CSMD3: variants seen among roughly 807,000 people sequenced by gnomAD.
CSMD3 encodes CUB and Sushi multiple domains 3.
CSMD3 carries 177 observed loss-of-function variants against 435.2 expected under a neutral mutation model. That is an observed-to-expected ratio of 0.41 (90% CI 0.36 to 0.46). CSMD3 has a LOEUF of 0.46. Ranked by LOEUF, CSMD3 falls within the 20% of genes least tolerant of loss-of-function variation. The probability of loss-of-function intolerance (pLI) is 0.34; values close to 1 mark genes in which losing one functional copy is unlikely to be tolerated. For missense variants in CSMD3, 4,265 were observed against 4,504.6 expected (o/e 0.95, Z 1.52); for synonymous variants, 1,656 against 1,520.5 (o/e 1.09, Z -2.07).
chr8:112,329,920 A>C (rs1823873764), intron 45 of CSMD3, among the ~76,000 whole-genome samples: 1 of 152,088 alleles, frequency 6.6e-6, no homozygotes, highest in South Asian at 2.1e-4. Context: ...ACACACATAT[A>C]CACACAAACA....
intron 7 of CSMD3, among the ~76,000 whole-genome samples, chr8:112,973,418 G>T (rs1247180862): frequency 6.6e-6 from 1 of 151,730 alleles, no homozygotes; most frequent in Non-Finnish European, 1.5e-5. Flanking sequence ...AATCTATCTT[G>T]TACCACTAGA....
intron 4 of CSMD3, among the ~76,000 whole-genome samples, chr8:113,132,435 A>G (rs1184145090): frequency 6.6e-6 from 1 of 152,046 alleles, no homozygotes; most frequent in Admixed American, 6.6e-5. Context: ...TGCTGTTGTC[A>G]TAATAAGTGA....
At chr8:112,918,094 C>A (rs186903021) in intron 10 of CSMD3, among the ~76,000 whole-genome samples, 89 of 151,870 alleles carry the variant, frequency 5.9e-4, no homozygotes, top group East Asian at 2.3e-3. Flanking sequence ...TTTGTGTTTA[C>A]GCCTTATAAA....
intron 50 of CSMD3, among the ~76,000 whole-genome samples, chr8:112,308,436 G>C (rs1193131522): frequency 6.6e-6 from 1 of 151,936 alleles, no homozygotes; most frequent in Non-Finnish European, 1.5e-5. Context: ...AAGAGACAAC[G>C]TACCAGAATA....
intron 62 of CSMD3, among the ~76,000 whole-genome samples, 158 bp downstream of exon 62, chr8:112,255,096 C>T (rs1422169478): frequency 6.6e-6 from 1 of 152,010 alleles, no homozygotes; most frequent in Non-Finnish European, 1.5e-5. Flanking sequence ...GTTGTATTTT[C>T]TACCAATATT....
In CSMD3 at chr8:112,391,131, T is replaced by A. The variant is rs578151788; in HGVS notation, c.5810-343A>T. On this transcript the variant is annotated intron_variant, in intron 35 of 70. Coordinates refer to ENST00000297405, the MANE Select transcript of CSMD3 (RefSeq NM_198123.2). ...TTAGATAAAAATTGTCTCGAATTTTTAAAAAATTATTTGGTACTTTCTCCT... is the reference window on the plus strand; with the variant it reads ...TTAGATAAAAATTGTCTCGAATTTTAAAAAAATTATTTGGTACTTTCTCCT... 1.7e-3 allele frequency among the ~76,000 whole-genome samples: 256 copies of A among 152,314 alleles called. 1 individual carries two copies. Among genetic ancestry groups the A allele is most frequent in the African/African-American group, 5.8e-3 (240 of 41,574 alleles).
chr8:113,229,713 G>A (rs1371399775), intron 3 of CSMD3, among the ~76,000 whole-genome samples: 1 of 151,526 alleles, frequency 6.6e-6, no homozygotes, highest in African/African-American at 2.4e-5. Context: ...TGAAGGCTTT[G>A]TAAACTTGAA....
chr8:112,255,181 A>G, intron 62 of CSMD3, 73 bp downstream of exon 62: 5 of 1,285,810 alleles, frequency 3.9e-6, no homozygotes, highest in Non-Finnish European at 5.6e-6. Context: ...GTTATAGGAT[A>G]AAGAAAACCA....
chr8:112,656,020 A>G, intron 18 of CSMD3, 134 bp downstream of exon 18: 1 of 610,974 alleles, frequency 1.6e-6, no homozygotes, highest in South Asian at 2.1e-5. Flanking sequence ...CTTATAAAGC[A>G]TTAACATTCT....
chr8:112,841,239 A>C (rs1285349118), intron 11 of CSMD3, among the ~76,000 whole-genome samples: 2 of 151,606 alleles, frequency 1.3e-5, no homozygotes, highest in African/African-American at 4.8e-5. Context: ...TTAGTTCTAC[A>C]GTCTCCATGT....
intron 24 of CSMD3, among the ~76,000 whole-genome samples, chr8:112,568,332 C>T (rs984116800): frequency 6.6e-6 from 1 of 152,030 alleles, no homozygotes; most frequent in African/African-American, 2.4e-5. Context: ...GTGGCTCACA[C>T]CTGTAATCCC....
At chr8:112,446,689 C>T (rs1205137350) in intron 32 of CSMD3, among the ~76,000 whole-genome samples, 1 of 152,124 alleles carries the variant, frequency 6.6e-6, no homozygotes, top group Non-Finnish European at 1.5e-5. Context: ...GTTCATATAG[C>T]ACAAGTTTAT....
chr8:113,028,241 C>A (rs1479313063), intron 5 of CSMD3, among the ~76,000 whole-genome samples: 2 of 145,664 alleles, frequency 1.4e-5, no homozygotes, highest in Non-Finnish European at 3.1e-5. Context: ...TTGGGTGTCA[C>A]AAACTGTGCC....
intron 1 of CSMD3, among the ~76,000 whole-genome samples, chr8:113,403,911 T>A (rs1433895329): frequency 6.6e-6 from 1 of 151,438 alleles, no homozygotes; most frequent in East Asian, 1.9e-4. Context: ...GTCACTCAAA[T>A]GTAAAGTTTT....
At chr8:112,352,579 A>G in intron 38 of CSMD3, 45 bp from the exon 39 acceptor site, 1 of 1,528,562 alleles carries the variant, frequency 6.5e-7, no homozygotes, top group East Asian at 2.3e-5. Context: ...TTCAAGTGAT[A>G]AATGCTTAAG....
intron 21 of CSMD3, among the ~76,000 whole-genome samples, chr8:112,637,262 A>T (rs1376935978): frequency 6.6e-6 from 1 of 151,770 alleles, no homozygotes; most frequent in Non-Finnish European, 1.5e-5. Flanking sequence ...ATAATAAATT[A>T]AAAAATAGCT....
chr8:112,742,131 T>A (rs1338691020), intron 13 of CSMD3, among the ~76,000 whole-genome samples: 1 of 146,168 alleles, frequency 6.8e-6, no homozygotes, highest in Non-Finnish European at 1.5e-5. Context: ...TCCGCACTCA[T>A]CTCTCACAAC....
At chr8:112,510,246 T>C (rs1476854543) in intron 28 of CSMD3, among the ~76,000 whole-genome samples, 1 of 152,212 alleles carries the variant, frequency 6.6e-6, no homozygotes, top group Non-Finnish European at 1.5e-5. Context: ...CATCTAATCG[T>C]ACTATGTATA....
At position 113,269,473 on chromosome 8, in the gene CSMD3, T is replaced by C. The variant is rs532565819; in HGVS notation, c.514+9119A>G. ...GGAAAAAACGACATTACAGTTCATA[T>C]GGAACCAAAAAAGAGCCCTCATCAC... is the stretch of plus-strand genomic sequence containing the variant. On this transcript the variant is annotated intron_variant, in intron 3 of 70. Coordinates refer to ENST00000297405, the MANE Select transcript of CSMD3 (RefSeq NM_198123.2). Among the ~76,000 whole-genome samples the C allele has an allele frequency of 3.7e-4, 56 of 152,194 alleles. No individual in the cohort carries two copies. The Middle Eastern group carries it at 0.014, about 37-fold the overall frequency.
Sources: gnomAD v4.1 joint callset for allele counts (sites outside exome capture counted in the v4.1 genomes callset) on GRCh38, gnomAD v4.1.1 for gene constraint, MANE v1.5 for transcripts, NCBI Gene and HGNC (gene_info 2026-07-23, HGNC 2026-07-21) for gene names.